The following FREM1 variants were observed in gnomAD, a reference collection of about 807,000 sequenced individuals.
FREM1 encodes the protein FRAS1-related extracellular matrix protein 1.
FREM1 carries 220 observed loss-of-function variants against 210.1 expected under a neutral mutation model. That is an observed-to-expected ratio of 1.05 (90% CI 0.94 to 1.17). FREM1 has a LOEUF of 1.17. Among genes scored for constraint, FREM1 ranks in the 50% most tolerant of loss-of-function variants. The pLI, the probability that FREM1 is intolerant of heterozygous loss-of-function variation, is 0.00. For synonymous variants in FREM1, 1,189 were observed against 980.2 expected, an observed-to-expected ratio of 1.21 and a Z score of -3.98; for missense variants, 3,454 against 2,675.5, an observed-to-expected ratio of 1.29 and a Z score of -6.42.
At chr9:14,875,382 TC>T (rs1833504548) in intron 1 of FREM1, among the ~76,000 whole-genome samples, 1 of 152,202 alleles carries the variant, frequency 6.6e-6, no homozygotes, top group Non-Finnish European at 1.5e-5. Context: ...TTCCTTTTAT[TC>T]TTTTTTCTCT....
At chr9:14,750,524 G>C (rs1464795873) in intron 29 of FREM1, among the ~76,000 whole-genome samples, 2 of 151,784 alleles carry the variant, frequency 1.3e-5, no homozygotes, top group Non-Finnish European at 1.5e-5. Context: ...CAGTATGCAA[G>C]GGATAAAAAA....
At chr9:14,823,428 G>A (rs1459085899) in intron 12 of FREM1, 101 bp from the exon 13 acceptor site, 2 of 963,906 alleles carry the variant, frequency 2.1e-6, no homozygotes, top group Non-Finnish European at 3.0e-6. Flanking sequence ...ATTGAACACT[G>A]TAAATGCCAC....
chr9:14,846,839 G>T (rs112530713), intron 7 of FREM1, among the ~76,000 whole-genome samples: 1,879 of 152,252 alleles, frequency 0.012, 38 homozygotes, highest in African/African-American at 0.042. Flanking sequence ...TCCCGGCCTC[G>T]ACCAACTGAC....
Position 14,910,224 on chromosome 9 carries a change from GCCTCAGGACTC to G in FREM1, c.-589_-579del, listed in dbSNP as rs1818491046. The G allele has an allele frequency of 6.6e-6, 1 of 152,336 alleles. No homozygotes were observed. The highest frequency in any genetic ancestry group is 2.1e-4 in the South Asian group (1 of 4,840). 9.4% of individuals were successfully genotyped at this position (152,336 alleles called of 1,614,324 possible). A position where few individuals can be genotyped will look rare whatever the true frequency, so the allele number is the denominator to read the frequency against. ...GCTTTGCAAACTTCCTGAGCGCCAA[GCCTCAGGACTC>G]CCTGTGAGAAGGGCATGATAAAGAT... On this transcript the variant is annotated 5_prime_UTR_variant, in exon 1 of 37. An upstream open reading frame in the 5' UTR loses its in-frame stop. Transcript: ENST00000380880.
At chr9:14,742,116 T>C (rs1563808291) in intron 35 of FREM1, among the ~76,000 whole-genome samples, 3 of 152,168 alleles carry the variant, frequency 2.0e-5, no homozygotes, top group African/African-American at 7.2e-5. Context: ...ACATATAAAA[T>C]GTGGTGGGTA....
At chr9:14,739,749 G>T (rs566887584) in intron 36 of FREM1, among the ~76,000 whole-genome samples, 1 of 151,398 alleles carries the variant, frequency 6.6e-6, no homozygotes, top group Non-Finnish European at 1.5e-5. Flanking sequence ...ATTAATAAAC[G>T]TAAGGCAATT....
chr9:14,879,528 A>G (rs1161039451), intron 1 of FREM1, among the ~76,000 whole-genome samples: 1 of 152,230 alleles, frequency 6.6e-6, no homozygotes, highest in Non-Finnish European at 1.5e-5. Context: ...GAATACATGA[A>G]CAAGAATGTT....
chr9:14,818,387 ATCT>A (rs1820689465), intron 14 of FREM1, among the ~76,000 whole-genome samples: 1 of 152,206 alleles, frequency 6.6e-6, no homozygotes, highest in Non-Finnish European at 1.5e-5. Context: ...GATTAAACTC[ATCT>A]TCTTCTGTAC....
chr9:14,834,321 A>T (rs1027239323), intron 10 of FREM1, among the ~76,000 whole-genome samples: 11 of 152,184 alleles, frequency 7.2e-5, no homozygotes, highest in Non-Finnish European at 2.9e-5. Context: ...TTCTTCTCCC[A>T]TGGTATCTAT....
chr9:14,746,433 G>C lies in FREM1; in HGVS notation c.6174C>G (p.His2058Gln), dbSNP rs756388445. ...AGATGTGACAGTAGCCTGAGTGCTG[G>C]TGCCACCCGGCTGGACAGGATTTGT... ...VEDKSCPAGW[H>Q]QHSGYCHILI... Residue 2058 changes from histidine (H) to glutamine (Q), a missense_variant, in exon 35 of 37, where the codon CAC becomes CAG. His to Gln is a conservative substitution (Grantham distance 24). Transcript: ENST00000380880. 1.9e-6 allele frequency: 3 copies of C among 1,613,690 alleles called. No individual in the cohort carries two copies. The highest frequency in any genetic ancestry group is 3.3e-5 in the Admixed American group (2 of 59,990).
chr9:14,791,548 G>A (rs1851318085), intron 22 of FREM1, among the ~76,000 whole-genome samples: 2 of 152,166 alleles, frequency 1.3e-5, no homozygotes, highest in Non-Finnish European at 2.9e-5. Context: ...CCAAGACTTT[G>A]CCCATCTGAA....
At chr9:14,787,329 C>T (rs1313212237) in intron 23 of FREM1, among the ~76,000 whole-genome samples, 1 of 151,982 alleles carries the variant, frequency 6.6e-6, no homozygotes, top group East Asian at 1.9e-4. Flanking sequence ...TAAGAAGAAA[C>T]AAAGAAGAAA....
intron 10 of FREM1, among the ~76,000 whole-genome samples, chr9:14,835,199 T>C (rs1824327969): frequency 6.6e-6 from 1 of 152,216 alleles, no homozygotes; most frequent in Admixed American, 6.5e-5. Context: ...CCTTGTTTAG[T>C]TTTTCAGAGT....
In FREM1 at chr9:14,803,969, C is replaced by T. The variant is rs550359058; in HGVS notation, c.3471+987G>A. Among the ~76,000 whole-genome samples the T allele has an allele frequency of 2.6e-5, 4 of 152,166 alleles. No homozygotes were observed. In the South Asian group the frequency reaches 6.2e-4, roughly 24 times the overall value. ...CCTTCTTCATAGAGCTTGACTAAAA[C>T]GTGTGGTTGTTTCTTGCAGATTGAA... On this transcript the variant is annotated intron_variant, in intron 19 of 36. Transcript: ENST00000380880.
intron 7 of FREM1, among the ~76,000 whole-genome samples, chr9:14,847,431 AGGGAGGGAGGG>A (rs1826883526): frequency 1.7e-4 from 11 of 65,960 alleles, no homozygotes; most frequent in Non-Finnish European, 2.8e-4. Context: ...GAAGGAAGGG[AGGGAGGGAGGG>A]AGGGAGGGAG....
In FREM1 at chr9:14,836,839, C is replaced by T. The variant is rs1462616565; in HGVS notation, c.1881+4608G>A. Among the ~76,000 whole-genome samples, 1 of 152,128 alleles carries T rather than the reference C, an allele frequency of 6.6e-6. No homozygotes were observed. The highest frequency in any genetic ancestry group is 2.4e-5 in the African/African-American group (1 of 41,430). ...AGCCAGAAAGAGTCTTCGCCCAAAA[C>T]CCCCTAACTGCAGTTAGTGTGATAT... On this transcript the variant is annotated intron_variant, in intron 10 of 36. Transcript: ENST00000380880. The surrounding 1 kb of genome is among the most constrained non-coding windows in gnomAD (Gnocchi z 4.9).
intron 1 of FREM1, among the ~76,000 whole-genome samples, chr9:14,888,635 A>AATTCT (rs1417414005): frequency 2.0e-5 from 3 of 152,172 alleles, no homozygotes; most frequent in Non-Finnish European, 4.4e-5. Context: ...GCCACTTCAT[A>AATTCT]ATTCTATTTT....
chr9:14,747,662 A>G lies in FREM1; in HGVS notation c.5844+19T>C, dbSNP rs1842712709. 3.2e-5 allele frequency: 47 copies of G among 1,447,414 alleles called. No individual in the cohort carries two copies. Among genetic ancestry groups the G allele is most frequent in the Non-Finnish European group, 4.4e-5 (47 of 1,071,328 alleles). The allele number at this position is 1,447,414 out of a possible 1,614,324, so 89.7% of individuals were successfully genotyped here. A position where few individuals can be genotyped will look rare whatever the true frequency, so the allele number is the denominator to read the frequency against. Reference sequence around the variant, plus strand: ...ATCCATAAATATAAGAAATTTAGCAATTCTGTGACTACACTTACATTATAG... The same window carrying G: ...ATCCATAAATATAAGAAATTTAGCAGTTCTGTGACTACACTTACATTATAG... On this transcript the variant is annotated intron_variant, in intron 32 of 36. Transcript: ENST00000380880.
chr9:14,845,837 T>C, intron 8 of FREM1, 123 bp downstream of exon 8: 1 of 969,034 alleles, frequency 1.0e-6, no homozygotes, highest in Non-Finnish European at 1.6e-6. Context: ...CCAGATTTTC[T>C]GCATTTGACA....
Sources: allele counts gnomAD v4.1 joint callset (sites outside exome capture counted in the v4.1 genomes callset), GRCh38; gene constraint gnomAD v4.1.1; non-coding constraint Gnocchi (gnomAD v3.1); transcripts MANE v1.5; gene names NCBI Gene and HGNC (gene_info 2026-07-23, HGNC 2026-07-21).